PHKA1: variants seen among roughly 807,000 people sequenced by gnomAD.
The protein encoded by PHKA1 is phosphorylase b kinase regulatory subunit alpha, skeletal muscle isoform.
A neutral mutation model predicts 110.2 loss-of-function variants in PHKA1; 60 were observed. That is an observed-to-expected ratio of 0.54 (90% confidence interval 0.44 to 0.68). PHKA1 has a LOEUF of 0.68. Ranked by LOEUF, PHKA1 falls within the 30% of genes least tolerant of loss-of-function variation. PHKA1 has a pLI of 0.00. For synonymous variants in PHKA1, 316 were observed against 333.6 expected (o/e 0.95, Z 0.58); for missense variants, 801 against 942.5 (o/e 0.85, Z 1.97).
At chrX:72,649,781 C>A (rs1293576440) in intron 13 of PHKA1, among the ~76,000 whole-genome samples, 6 of 110,531 alleles carry the variant, frequency 5.4e-5, no homozygotes, top group East Asian at 2.8e-4. Context: ...ATCACGAGGT[C>A]AGGAGTTCGA....
chrX:72,652,632 T>C lies in PHKA1; in HGVS notation c.1157A>G (p.Asn386Ser), dbSNP rs2053444218. Residue 386 changes from asparagine to serine, a missense_variant, in exon 12 of 32, where the codon AAT becomes AGT. Asn to Ser is a conservative substitution (Grantham distance 46, BLOSUM62 1). This residue lies in a region of PHKA1 where 299 missense variants were observed against 423.3 expected (regional missense o/e 0.71). Coordinates refer to ENST00000373542, the MANE Select transcript of PHKA1 (RefSeq NM_002637.4). ...PPDRVDEEYQ[N>S]PHTVDRVPMG... is the part of the protein sequence containing the mutation. The stretch of plus-strand genomic sequence containing the variant: ...GGGGACTCGGTCCACAGTGTGAGGA[T>C]TCTGATATTCTTCATCGACCTAAAA... 2 of 1,161,444 alleles carry C rather than the reference T, an allele frequency of 1.7e-6. No individual in the cohort carries two copies. The highest frequency in any genetic ancestry group is 1.8e-5 in the African/African-American group (1 of 56,205).
chrX:72,706,805 TC>T (rs2054290864), intron 2 of PHKA1, among the ~76,000 whole-genome samples: 1 of 111,642 alleles, frequency 9.0e-6, no homozygotes, highest in Non-Finnish European at 1.9e-5. Context: ...GCCCCACTAC[TC>T]CCATCTAAAT....
intron 4 of PHKA1, among the ~76,000 whole-genome samples, chrX:72,690,683 T>G (rs2054025491): frequency 8.9e-6 from 1 of 112,612 alleles, no homozygotes; most frequent in Admixed American, 9.4e-5. Flanking sequence ...TATTCTGTTG[T>G]GGCAGACTAA....
intron 29 of PHKA1, among the ~76,000 whole-genome samples, chrX:72,586,120 C>T (rs2052424833): frequency 8.9e-6 from 1 of 112,578 alleles, no homozygotes; most frequent in African/African-American, 3.2e-5. Flanking sequence ...ACTGCCTCCT[C>T]TAGTGGGTCC....
At chrX:72,602,995 T>A (rs959654671) in intron 26 of PHKA1, 124 bp downstream of exon 26, 25 of 516,455 alleles carry the variant, frequency 4.8e-5, no homozygotes, top group African/African-American at 4.0e-4. Flanking sequence ...TTGGTTTCTG[T>A]TTTATATATT....
At chrX:72,636,480 A>T in intron 14 of PHKA1, 94 bp from the exon 15 acceptor site, 1 of 533,232 alleles carries the variant, frequency 1.9e-6, no homozygotes, top group Non-Finnish European at 3.4e-6. Context: ...ACACATACAC[A>T]ATGTATGTAT....
At chrX:72,646,423 T>C (rs1297260546) in intron 13 of PHKA1, among the ~76,000 whole-genome samples, 1 of 111,796 alleles carries the variant, frequency 8.9e-6, no homozygotes, top group Non-Finnish European at 1.9e-5. Context: ...GTTAAGGACA[T>C]GATCCCTACA....
At chrX:72,697,307 A>C (rs2054135946) in intron 3 of PHKA1, 2 of 111,781 alleles carry the variant, frequency 1.8e-5, no homozygotes, top group South Asian at 7.4e-4. Flanking sequence ...GTGCTCAGAA[A>C]TCATAGAATT....
intron 21 of PHKA1, among the ~76,000 whole-genome samples, chrX:72,618,246 G>C (rs2052926559): frequency 1.8e-5 from 2 of 111,673 alleles, no homozygotes; most frequent in South Asian, 7.5e-4. Flanking sequence ...GTTTAGGAGA[G>C]AGGAGTTCAA....
At chrX:72,704,890 T>C (rs782453893) in intron 3 of PHKA1, among the ~76,000 whole-genome samples, 1 of 112,139 alleles carries the variant, frequency 8.9e-6, no homozygotes, top group South Asian at 3.8e-4. Flanking sequence ...CAGTGCCTGG[T>C]CAAATGAGGG....
chrX:72,635,057 T>G, intron 16 of PHKA1, 98 bp downstream of exon 16: 2 of 1,041,812 alleles, frequency 1.9e-6, no homozygotes, highest in Non-Finnish European at 2.7e-6. Flanking sequence ...AAGAATAAAT[T>G]ATAAGAAGTA....
At chrX:72,615,017 A>C (rs2052870972) in intron 21 of PHKA1, among the ~76,000 whole-genome samples, 1 of 112,516 alleles carries the variant, frequency 8.9e-6, no homozygotes, top group African/African-American at 3.2e-5. Context: ...AGAATTCTGA[A>C]AGCAGTGAGA....
At chrX:72,696,569 G>A (rs782320676) in intron 3 of PHKA1, among the ~76,000 whole-genome samples, 30 of 111,534 alleles carry the variant, frequency 2.7e-4, no homozygotes, top group African/African-American at 9.1e-4. Context: ...GAAGCCCCCA[G>A]TTGTGGGGCG....
intron 2 of PHKA1, 25 bp from the exon 3 acceptor site, chrX:72,705,270 C>T: frequency 8.9e-7 from 1 of 1,121,434 alleles, no homozygotes; most frequent in South Asian, 1.8e-5. Flanking sequence ...GGAAACAAGA[C>T]AGTTATAAAC....
At position 72,619,228 on chromosome X, in the gene PHKA1, G is replaced by A. The variant is rs1197978742; in HGVS notation, c.2215C>T (p.Arg739Ter). ...CACAAATTTACCTGGTTCTCCTGTCGGGGATGAGGTGAATCAAGTAAGTTG... is the reference window on the plus strand; with the variant it reads ...CACAAATTTACCTGGTTCTCCTGTCAGGGATGAGGTGAATCAAGTAAGTTG... ...SFNLLDSPHP[R>*]QENQVPSVRV... Residue 739 changes from arginine to a stop codon, truncating the protein, a stop_gained, in exon 20 of 32, where the codon CGA becomes TGA. Coordinates refer to ENST00000373542, the MANE Select transcript of PHKA1 (RefSeq NM_002637.4). LOFTEE classifies it high-confidence loss of function. 5.1e-6 allele frequency: 6 copies of A among 1,178,742 alleles called. No homozygotes were observed. The highest frequency in any genetic ancestry group is 1.8e-5 in the South Asian group (1 of 56,018).
In PHKA1 at chrX:72,580,792, T is replaced by TA; in HGVS notation, c.*209_*210insT. The stretch of plus-strand genomic sequence containing the variant: ...TGAGTGTTCATTATACTCATAAGAT[T>TA]GTCACTGGTTCTGCAAGGTGAGCCT... On this transcript the variant is annotated 3_prime_UTR_variant, in exon 32 of 32. Coordinates refer to ENST00000373542, the MANE Select transcript of PHKA1 (RefSeq NM_002637.4). The TA allele has an allele frequency of 2.2e-6, 1 of 451,732 alleles. No homozygotes were observed. Among genetic ancestry groups the TA allele is most frequent in the Non-Finnish European group, 3.9e-6 (1 of 256,527 alleles). The allele number at this position is 451,732 out of a possible 1,213,427, so 37.2% of individuals were successfully genotyped here.
intron 12 of PHKA1, among the ~76,000 whole-genome samples, chrX:72,650,913 C>T (rs1275465594): frequency 1.8e-5 from 2 of 111,444 alleles, no homozygotes; most frequent in South Asian, 3.8e-4. Flanking sequence ...GAGACAAGGT[C>T]TCACTTATGT....
rs1556201220 is a variant in PHKA1, at chrX:72,581,167, A to G, written c.3507T>C (p.Leu1169=). 8 of 1,189,019 alleles carry G rather than the reference A, an allele frequency of 6.7e-6. No individual in the cohort carries two copies. The highest frequency in any genetic ancestry group is 3.5e-5 in the South Asian group (2 of 56,413). The change falls in exon 32 of 32, where the codon CTT becomes CTC. Residue 1169 remains leucine (L), a synonymous_variant. Transcript: ENST00000373542. ...TTGCCAACATGGTATCATCTGCGCCAAGGGTTTTCTGTTTGGTTTTTAAGG... is the reference window on the plus strand; with the variant it reads ...TTGCCAACATGGTATCATCTGCGCCGAGGGTTTTCTGTTTGGTTTTTAAGG... ...NDLFLQEQKT[L]GADDTMLAKD...
intron 17 of PHKA1, among the ~76,000 whole-genome samples, chrX:72,626,270 G>A (rs1312003335): frequency 1.8e-5 from 2 of 109,772 alleles, no homozygotes; most frequent in African/African-American, 6.7e-5. Flanking sequence ...TCTTGAGAAA[G>A]GGTATATGGG....
Sources: gnomAD v4.1 joint callset for allele counts (sites outside exome capture counted in the v4.1 genomes callset) on GRCh38, gnomAD v4.1.1 for gene constraint, gnomAD v4.1.1 regional missense constraint, MANE v1.5 for transcripts, NCBI Gene and HGNC (gene_info 2026-07-23, HGNC 2026-07-21) for gene names.